CDH12: variants seen among roughly 807,000 people sequenced by gnomAD.
CDH12 encodes the protein cadherin-12.
CDH12 carries 41 observed loss-of-function variants against 74.1 expected under a neutral mutation model. The ratio of observed to expected loss-of-function variants is 0.55; its 90% CI spans 0.43 to 0.72. The LOEUF (loss-of-function observed/expected upper bound fraction) is 0.72. Ranked by LOEUF, CDH12 falls within the 30% of genes least tolerant of loss-of-function variation. CDH12 has a pLI of 0.00. For synonymous variants in CDH12, 399 were observed against 355.0 expected, an observed-to-expected ratio of 1.12 and a Z score of -1.39; for missense variants, 945 against 977.2, an observed-to-expected ratio of 0.97 and a Z score of 0.44.
At position 22,078,484 on chromosome 5, in the gene CDH12, C is replaced by T. The variant is rs1280249449; in HGVS notation, c.193G>A (p.Glu65Lys). The T allele has an allele frequency of 6.2e-7, 1 of 1,613,890 alleles. No individual in the cohort carries two copies. Among genetic ancestry groups the T allele is most frequent in the Non-Finnish European group, 8.5e-7 (1 of 1,179,842 alleles). The change falls in exon 5 of 15, where the codon GAA becomes AAA. Residue 65 changes from glutamate to lysine, a missense_variant. Glu to Lys is a moderately conservative substitution (Grantham distance 56). This residue lies in a region of CDH12 where 148 missense variants were observed against 162.8 expected (regional missense o/e 0.91). Coordinates refer to ENST00000382254, the MANE Select transcript of CDH12 (RefSeq NM_004061.5). ...GWVWNQFFVL[E>K]EYVGSEPQYV... is the part of the protein sequence containing the mutation. ...TGAGGCTCGGAGCCCACGTATTCTT[C>T]CAGCACAAAAAATTGATTCCATACC...
At chr5:22,827,141 C>T (rs1736381761) in intron 1 of CDH12, among the ~76,000 whole-genome samples, 2 of 152,274 alleles carry the variant, frequency 1.3e-5, no homozygotes, top group South Asian at 4.1e-4. Flanking sequence ...CTCTGAGTCC[C>T]AGCCCCTCCA....
chr5:22,725,889 G>A (rs926885006), intron 1 of CDH12, among the ~76,000 whole-genome samples: 2 of 151,556 alleles, frequency 1.3e-5, no homozygotes, highest in East Asian at 1.9e-4. Context: ...CTTACACTCC[G>A]ACATGATCTT....
intron 3 of CDH12, among the ~76,000 whole-genome samples, chr5:22,216,478 A>C (rs1751807619): frequency 6.6e-6 from 1 of 151,962 alleles, no homozygotes; most frequent in Non-Finnish European, 1.5e-5. Flanking sequence ...GTGATGGTTT[A>C]TCAGAACAGA....
chr5:21,811,700 T>C (rs981948341), intron 9 of CDH12, among the ~76,000 whole-genome samples: 3 of 110,006 alleles, frequency 2.7e-5, no homozygotes, highest in African/African-American at 1.0e-4. Flanking sequence ...CAACACCATA[T>C]AGGACAAGCT....
chr5:22,118,515 T>G (rs1394791760), intron 4 of CDH12, among the ~76,000 whole-genome samples: 1 of 152,052 alleles, frequency 6.6e-6, no homozygotes, highest in Non-Finnish European at 1.5e-5. Context: ...ATTTAAAAAC[T>G]GAAATATTTA....
At chr5:22,468,872 A>G (rs1341167341) in intron 2 of CDH12, among the ~76,000 whole-genome samples, 1 of 152,190 alleles carries the variant, frequency 6.6e-6, no homozygotes, top group Non-Finnish European at 1.5e-5. Context: ...ATAATGTCTA[A>G]CATATTGGAA....
At chr5:21,774,842 T>A (rs1745501439) in intron 11 of CDH12, among the ~76,000 whole-genome samples, 1 of 152,192 alleles carries the variant, frequency 6.6e-6, no homozygotes, top group African/African-American at 2.4e-5. Context: ...TCCTGAAAAG[T>A]CAACTACAGT....
At chr5:22,024,762 C>T (rs1380892221) in intron 5 of CDH12, among the ~76,000 whole-genome samples, 1 of 152,134 alleles carries the variant, frequency 6.6e-6, no homozygotes, top group Non-Finnish European at 1.5e-5. Flanking sequence ...GATCCACCTG[C>T]CTCTGCTTCC....
chr5:22,146,698 AGT>A (rs773209438), intron 4 of CDH12, among the ~76,000 whole-genome samples: 2 of 152,146 alleles, frequency 1.3e-5, no homozygotes, highest in Non-Finnish European at 2.9e-5. Flanking sequence ...AAAGATTGGA[AGT>A]GTCCCCCTAT....
chr5:21,790,173 T>G (rs1169786952), intron 10 of CDH12, among the ~76,000 whole-genome samples: 3 of 152,150 alleles, frequency 2.0e-5, no homozygotes, highest in Non-Finnish European at 4.4e-5. Context: ...TTGTAGCATA[T>G]GTTATAATTT....
chr5:22,469,891 G>T (rs1468954828), intron 2 of CDH12, among the ~76,000 whole-genome samples: 1 of 152,134 alleles, frequency 6.6e-6, no homozygotes. Flanking sequence ...ATATTTTCCT[G>T]CCAGAACTTC....
Position 22,017,696 on chromosome 5 carries a change from A to G in CDH12, c.232-42311T>C, listed in dbSNP as rs149828523. ...GAAAGGGTTAGAGAGAAATATTGACAGTAAGTCGATGCAGAGACATCTGAG... is the reference window on the plus strand; with the variant it reads ...GAAAGGGTTAGAGAGAAATATTGACGGTAAGTCGATGCAGAGACATCTGAG... On this transcript the variant is annotated intron_variant, in intron 5 of 14. Transcript: ENST00000382254. Among the ~76,000 whole-genome samples the G allele has an allele frequency of 2.2e-3, 332 of 152,180 alleles. 1 individual carries two copies. The highest frequency in any genetic ancestry group is 4.2e-3 in the Admixed American group (64 of 15,282).
chr5:22,384,271 T>C (rs939743023), intron 3 of CDH12, among the ~76,000 whole-genome samples: 9 of 151,976 alleles, frequency 5.9e-5, no homozygotes, highest in African/African-American at 2.2e-4. Context: ...ACGCTTGTAA[T>C]CCCAGCACTT....
rs140889819 is a variant in CDH12, at chr5:22,257,576, T to C, written c.-332-44933A>G. Among the ~76,000 whole-genome samples, 27 of 152,192 alleles carry C rather than the reference T, an allele frequency of 1.8e-4. No homozygotes were observed. The East Asian group carries it at 5.2e-3, about 29-fold the overall frequency. On this transcript the variant is annotated intron_variant, in intron 3 of 14. Coordinates refer to ENST00000382254, the MANE Select transcript of CDH12 (RefSeq NM_004061.5). ...GTGCAGTGGCGCGATCTCGGTTTAC[T>C]GCAACCTCTGCCTCCTGGGTTCAAG...
intron 1 of CDH12, among the ~76,000 whole-genome samples, chr5:22,528,845 A>G (rs1737405860): frequency 6.6e-6 from 1 of 152,034 alleles, no homozygotes; most frequent in South Asian, 2.1e-4. Flanking sequence ...CTCTTTACTA[A>G]TGAATATAGA....
intron 6 of CDH12, among the ~76,000 whole-genome samples, chr5:21,949,635 C>T (rs78916867): frequency 0.038 from 5,717 of 151,946 alleles, 134 homozygotes; most frequent in African/African-American, 0.054. Flanking sequence ...CATACTGACC[C>T]TGTGTAGGAC....
intron 4 of CDH12, among the ~76,000 whole-genome samples, chr5:22,095,512 G>A (rs6890780): frequency 0.11 from 16,775 of 151,958 alleles, 1,016 homozygotes; most frequent in South Asian, 0.16. Flanking sequence ...CACCCTTAGC[G>A]GCAAGTACTG....
At chr5:22,616,225 G>T (rs1737682354) in intron 1 of CDH12, among the ~76,000 whole-genome samples, 1 of 152,022 alleles carries the variant, frequency 6.6e-6, no homozygotes, top group African/African-American at 2.4e-5. Context: ...GAGAGAATTA[G>T]GAGACATAGC....
chr5:22,490,567 T>C (rs1171899185), intron 2 of CDH12, among the ~76,000 whole-genome samples: 1 of 145,812 alleles, frequency 6.9e-6, no homozygotes. Flanking sequence ...TAGATGAAAA[T>C]GAAAAAAAAA....
Sources: allele counts gnomAD v4.1 joint callset (sites outside exome capture counted in the v4.1 genomes callset), GRCh38; gene constraint gnomAD v4.1.1; regional missense constraint gnomAD v4.1.1; transcripts MANE v1.5; gene names NCBI Gene and HGNC (gene_info 2026-07-23, HGNC 2026-07-21).